TENM1: variants seen among roughly 807,000 people sequenced by gnomAD.
TENM1 encodes the protein teneurin transmembrane protein 1.
Under a neutral mutation model 174.8 loss-of-function variants are expected in TENM1, and 35 were observed. The observed-to-expected ratio is 0.20, with a 90% CI of 0.15 to 0.27. The LOEUF (loss-of-function observed/expected upper bound fraction) is 0.27, where lower values mean the gene tolerates loss of function less well. Among genes scored for constraint, TENM1 ranks in the 10% least tolerant of loss-of-function variants. The pLI is 1.00. For synonymous variants in TENM1, 781 were observed against 798.7 expected (o/e 0.98, Z 0.37); for missense variants, 1,633 against 2,130.1 (o/e 0.77, Z 4.59).
the TENM1 span, among the ~76,000 whole-genome samples, chrX:125,045,822 T>C: frequency 4.5e-5 from 5 of 112,106 alleles, no homozygotes; most frequent in African/African-American, 1.3e-4. Context: ...TTAAAGTACA[T>C]CAGTGACTCA....
chrX:125,008,190 T>C, the TENM1 span, among the ~76,000 whole-genome samples: 4 of 110,169 alleles, frequency 3.6e-5, no homozygotes, highest in Non-Finnish European at 7.6e-5. Flanking sequence ...GAGAAAAATT[T>C]ACCCAGCAAA....
chrX:124,409,276 A>G (rs1474445069), intron 25 of TENM1, among the ~76,000 whole-genome samples: 2 of 111,656 alleles, frequency 1.8e-5, no homozygotes, highest in African/African-American at 6.5e-5. Context: ...ACTAGTTTAC[A>G]GTCCCACCAC....
chrX:125,189,527 A>C, the TENM1 span, among the ~76,000 whole-genome samples: 1 of 112,209 alleles, frequency 8.9e-6, no homozygotes, highest in Non-Finnish European at 1.9e-5. Flanking sequence ...CCCTGCAAGC[A>C]GAGCCCTATG....
chrX:124,908,776 C>T (rs750606714), intron 1 of TENM1, among the ~76,000 whole-genome samples: 79 of 111,284 alleles, frequency 7.1e-4, no homozygotes, highest in African/African-American at 2.5e-3. Flanking sequence ...ATGAATTTAG[C>T]ATTTTCTATG....
chrX:125,026,478 T>C, the TENM1 span, among the ~76,000 whole-genome samples: 3 of 111,772 alleles, frequency 2.7e-5, no homozygotes, highest in Admixed American at 9.5e-5. Context: ...TTTTGAGAAA[T>C]AAACCCCTGT....
chrX:125,120,166 G>C, the TENM1 span, among the ~76,000 whole-genome samples: 1 of 110,184 alleles, frequency 9.1e-6, no homozygotes, highest in East Asian at 2.8e-4. Context: ...TCAGTCCTAC[G>C]CACTAACAAT....
chrX:124,888,437 A>T (rs1296992405), intron 3 of TENM1, among the ~76,000 whole-genome samples: 1 of 111,983 alleles, frequency 8.9e-6, no homozygotes, highest in Non-Finnish European at 1.9e-5. Flanking sequence ...CAACAGCACA[A>T]GTTAACCTGC....
chrX:124,776,398 GGAT>G (rs2054785334), intron 3 of TENM1, among the ~76,000 whole-genome samples: 1 of 111,519 alleles, frequency 9.0e-6, no homozygotes, highest in Non-Finnish European at 1.9e-5. Flanking sequence ...TCAGAATACT[GGAT>G]GATAATTACA....
intron 3 of TENM1, among the ~76,000 whole-genome samples, chrX:124,844,244 T>C (rs1351543681): frequency 8.9e-6 from 1 of 112,331 alleles, no homozygotes; most frequent in Non-Finnish European, 1.9e-5. Flanking sequence ...ATAAGTGTTT[T>C]CCTATTTATA....
intron 5 of TENM1, among the ~76,000 whole-genome samples, chrX:124,692,283 T>C (rs943651518): frequency 2.7e-5 from 3 of 110,621 alleles, no homozygotes; most frequent in Non-Finnish European, 5.7e-5. Flanking sequence ...GGGACCAACT[T>C]GAGGGTGGAG....
the TENM1 span, among the ~76,000 whole-genome samples, chrX:125,139,079 T>TA: frequency 8.9e-6 from 1 of 111,851 alleles, no homozygotes; most frequent in Non-Finnish European, 1.9e-5. Flanking sequence ...ATTTTATATG[T>TA]AAGGCACTGT....
chrX:125,156,010 C>T, the TENM1 span, among the ~76,000 whole-genome samples: 3 of 112,638 alleles, frequency 2.7e-5, no homozygotes, highest in East Asian at 5.7e-4. Flanking sequence ...ACTGCCAGCA[C>T]GCTGTCACCT....
intron 25 of TENM1, among the ~76,000 whole-genome samples, chrX:124,415,909 CT>C (rs2060588725): frequency 9.0e-6 from 1 of 111,250 alleles, no homozygotes; most frequent in African/African-American, 3.3e-5. Flanking sequence ...CAATTTTCCC[CT>C]CTATATTAGA....
At chrX:124,627,026 C>A (rs2050653707) in intron 11 of TENM1, among the ~76,000 whole-genome samples, 1 of 111,961 alleles carries the variant, frequency 8.9e-6, no homozygotes, top group Non-Finnish European at 1.9e-5. Context: ...AGACATTAAT[C>A]ATTTCTTCAC....
the TENM1 span, among the ~76,000 whole-genome samples, chrX:125,127,463 G>A: frequency 1.3e-3 from 140 of 111,763 alleles, no homozygotes; most frequent in African/African-American, 4.3e-3. Flanking sequence ...TTCATATTCT[G>A]TAGTTTGTTA....
intron 23 of TENM1, among the ~76,000 whole-genome samples, chrX:124,436,596 C>T (rs1426086434): frequency 9.1e-6 from 1 of 109,890 alleles, no homozygotes; most frequent in Non-Finnish European, 1.9e-5. Flanking sequence ...CAGGTTCATG[C>T]CATTCTCCTG....
At chrX:124,382,616 T>C in intron 31 of TENM1, 54 bp downstream of exon 34, 3 of 1,129,425 alleles carry the variant, frequency 2.7e-6, no homozygotes, top group Non-Finnish European at 3.6e-6. Flanking sequence ...TTTCTGGGTA[T>C]TGAATGCCCT....
intron 3 of TENM1, among the ~76,000 whole-genome samples, chrX:124,844,786 G>C (rs1485366255): frequency 8.9e-6 from 1 of 111,802 alleles, no homozygotes; most frequent in African/African-American, 3.2e-5. Context: ...CGTACCTTCA[G>C]TTAAGTTGAT....
chrX:125,063,107 A>C, the TENM1 span, among the ~76,000 whole-genome samples: 2 of 112,211 alleles, frequency 1.8e-5, no homozygotes, highest in Non-Finnish European at 3.8e-5. Flanking sequence ...GTAAATAACA[A>C]AGAACTAGTA....
Sources: gnomAD v4.1 joint callset for allele counts (sites outside exome capture counted in the v4.1 genomes callset) on GRCh38, gnomAD v4.1.1 for gene constraint, MANE v1.5 for transcripts, NCBI Gene and HGNC (gene_info 2026-07-23, HGNC 2026-07-21) for gene names.